SYAP1: variants seen among roughly 807,000 people sequenced by gnomAD.
The protein encoded by SYAP1 is synapse associated protein 1.
A neutral mutation model predicts 29.6 loss-of-function variants in SYAP1; 3 were observed. The ratio of observed to expected loss-of-function variants is 0.10; its 90% CI spans 0.05 to 0.26. The LOEUF (loss-of-function observed/expected upper bound fraction) is 0.26. Ranked by LOEUF, SYAP1 falls within the 10% of genes least tolerant of loss-of-function variation. The probability of loss-of-function intolerance (pLI) is 1.00; values close to 1 mark genes in which losing one functional copy is unlikely to be tolerated. For missense variants in SYAP1, 217 were observed against 264.1 expected, an observed-to-expected ratio of 0.82 and a Z score of 1.24; for synonymous variants, 102 against 102.7, an observed-to-expected ratio of 0.99 and a Z score of 0.04.
At chrX:16,725,068 T>C (rs1569246925) in intron 1 of SYAP1, among the ~76,000 whole-genome samples, 1 of 112,454 alleles carries the variant, frequency 8.9e-6, no homozygotes, top group Non-Finnish European at 1.9e-5. Flanking sequence ...GCTTCCCTTT[T>C]TTTGAACTGG....
At chrX:16,749,744 C>T (rs190136667) in intron 5 of SYAP1, among the ~76,000 whole-genome samples, 2 of 109,388 alleles carry the variant, frequency 1.8e-5, no homozygotes, top group East Asian at 2.9e-4. Context: ...AGTGAAACTC[C>T]GTCTCTACTA....
chrX:16,763,583 G>A lies in SYAP1; in HGVS notation c.*3224G>A, dbSNP rs1390552107. On this transcript the variant is annotated 3_prime_UTR_variant, in exon 9 of 9. Transcript: ENST00000380155. ...TTGGCCAGGCTGGTCTCAAGCTCCTGATCTCAAATGATCCGCACGCCTTGA... is the reference window on the plus strand; with the variant it reads ...TTGGCCAGGCTGGTCTCAAGCTCCTAATCTCAAATGATCCGCACGCCTTGA... 3 of 109,854 alleles carry A rather than the reference G, an allele frequency of 2.7e-5. No homozygotes were observed. In the South Asian group the frequency reaches 1.2e-3, roughly 43 times the overall value. 9.1% of individuals were successfully genotyped at this position (109,854 alleles called of 1,213,427 possible).
chrX:16,740,212 T>C (rs948823492), intron 3 of SYAP1, among the ~76,000 whole-genome samples: 1 of 111,381 alleles, frequency 9.0e-6, no homozygotes, highest in South Asian at 3.7e-4. Flanking sequence ...TGCTGGATTC[T>C]AATCACCTCT....
At chrX:16,742,752 G>A (rs1051289200) in intron 4 of SYAP1, among the ~76,000 whole-genome samples, 3 of 110,170 alleles carry the variant, frequency 2.7e-5, no homozygotes, top group African/African-American at 9.9e-5. Context: ...TATCTGGGAC[G>A]ATAGGCGTAA....
intron 1 of SYAP1, among the ~76,000 whole-genome samples, chrX:16,732,006 T>C (rs976508140): frequency 2.7e-5 from 3 of 112,149 alleles, no homozygotes; most frequent in African/African-American, 9.7e-5. Context: ...TTGTAGCCTC[T>C]ATGCCAAATT....
chrX:16,742,725 G>A (rs1306376067), intron 4 of SYAP1, among the ~76,000 whole-genome samples: 3 of 111,400 alleles, frequency 2.7e-5, no homozygotes, highest in East Asian at 2.9e-4. Context: ...GTGATCCTCC[G>A]GCCTTAGCCT....
intron 2 of SYAP1, 53 bp downstream of exon 2, chrX:16,735,398 C>A: frequency 1.3e-6 from 1 of 767,577 alleles, no homozygotes; most frequent in Non-Finnish European, 1.9e-6. Flanking sequence ...ATTGTTTCCT[C>A]TTGATGGTTT....
rs1393219550 is a variant in SYAP1 at position 16,765,210 on chromosome X, A to G, written c.*4851A>G. The G allele has an allele frequency of 8.9e-6, 1 of 112,579 alleles. No homozygotes were observed. The highest frequency in any genetic ancestry group is 3.2e-5 in the African/African-American group (1 of 31,057). 9.3% of individuals were successfully genotyped at this position (112,579 alleles called of 1,213,427 possible). A position where few individuals can be genotyped will look rare whatever the true frequency, so the allele number is the denominator to read the frequency against. ...ACTAAGGGATTTACTTAGATAAGCCATCGATGATTTCAGTTGTTAAAAGTG... is the reference window on the plus strand; with the variant it reads ...ACTAAGGGATTTACTTAGATAAGCCGTCGATGATTTCAGTTGTTAAAAGTG... On this transcript the variant is annotated 3_prime_UTR_variant, in exon 9 of 9. Transcript: ENST00000380155.
intron 8 of SYAP1, among the ~76,000 whole-genome samples, chrX:16,759,810 C>G (rs2147440070): frequency 8.9e-6 from 1 of 112,381 alleles, no homozygotes; most frequent in South Asian, 3.6e-4. Context: ...AAGCGTGATA[C>G]ATAGAAAGCA....
chrX:16,759,804 G>T (rs1336594392), intron 8 of SYAP1, among the ~76,000 whole-genome samples: 1 of 112,261 alleles, frequency 8.9e-6, no homozygotes, highest in African/African-American at 3.2e-5. Context: ...GGTGAAAAGC[G>T]TGATACATAG....
intron 5 of SYAP1, 134 bp from the exon 6 acceptor site, chrX:16,754,811 C>A: frequency 1.7e-6 from 1 of 591,156 alleles, no homozygotes; most frequent in Non-Finnish European, 2.8e-6. Flanking sequence ...TCATCTACTC[C>A]AGTCCCCTTT....
Position 16,741,777 on chromosome X carries a change from G to C in SYAP1, c.423G>C (p.Leu141Phe), listed in dbSNP as rs1472768867. The C allele has an allele frequency of 1.2e-5, 14 of 1,199,607 alleles. No individual in the cohort carries two copies. Among genetic ancestry groups the C allele is most frequent in the Non-Finnish European group, 1.6e-5 (14 of 886,832 alleles). ...NDEETIQQQI[L>F]ALSADKRNFL... The stretch of plus-strand genomic sequence containing the variant: ...AAGAAACAATTCAACAACAAATTTT[G>C]GCCTTATCAGCTGTAAGTATCTTGT... Residue 141 changes from leucine (L) to phenylalanine (F), a missense_variant, in exon 4 of 9, where the codon TTG becomes TTC. By Grantham distance (22) the Leu-to-Phe change is conservative. Coordinates refer to ENST00000380155, the MANE Select transcript of SYAP1 (RefSeq NM_032796.4).
At chrX:16,737,148 G>T (rs762079347) in intron 3 of SYAP1, among the ~76,000 whole-genome samples, 1 of 110,893 alleles carries the variant, frequency 9.0e-6, no homozygotes, top group Non-Finnish European at 1.9e-5. Flanking sequence ...GCAGGCCAAG[G>T]CGCGAGGATC....
chrX:16,721,219 T>G (rs929143143), intron 1 of SYAP1, among the ~76,000 whole-genome samples: 1 of 109,676 alleles, frequency 9.1e-6, no homozygotes, highest in African/African-American at 3.3e-5. Context: ...AAACACATAT[T>G]TGAGTAAGAA....
chrX:16,735,309 C>T lies in SYAP1; in HGVS notation c.258C>T (p.Ser86=), dbSNP rs140055188. The T allele has an allele frequency of 4.3e-5, 51 of 1,188,167 alleles. No homozygotes were observed. In the African/African-American group the frequency reaches 5.9e-4, roughly 14 times the overall value. ...VAETAQTIKK[S]VEEGKIDGII... ...AAACAGCACAAACAATAAAGAAATC[C>T]GTAGAAGAAGGAAAAATAGATGGCA... is the stretch of plus-strand genomic sequence containing the variant. Residue 86 remains serine (S), a synonymous_variant, in exon 2 of 9, where the codon TCC becomes TCT. Transcript: ENST00000380155.
rs1048539154 is a variant in SYAP1 at position 16,764,881 on chromosome X, G to A, written c.*4522G>A. ...GGCTAATTTTTGTATTTTTTGTAGA[G>A]ATGGGTGTCTCCCCATGTTGCTCAG... On this transcript the variant is annotated 3_prime_UTR_variant, in exon 9 of 9. Coordinates refer to ENST00000380155, the MANE Select transcript of SYAP1 (RefSeq NM_032796.4). The A allele has an allele frequency of 1.8e-5, 2 of 109,404 alleles. No individual in the cohort carries two copies. Among genetic ancestry groups the A allele is most frequent in the Admixed American group, 9.9e-5 (1 of 10,072 alleles). The allele number at this position is 109,404 out of a possible 1,213,427, so 9.0% of individuals were successfully genotyped here. A position where few individuals can be genotyped will look rare whatever the true frequency, so the allele number is the denominator to read the frequency against.
rs1362592777 is a variant in SYAP1, at chrX:16,761,182, G to T, written c.*823G>T. 2 of 92,617 alleles carry T rather than the reference G, an allele frequency of 2.2e-5. No individual in the cohort carries two copies. Among genetic ancestry groups the T allele is most frequent in the Non-Finnish European group, 4.1e-5 (2 of 48,975 alleles). The allele number at this position is 92,617 out of a possible 1,213,427, so 7.6% of individuals were successfully genotyped here. On this transcript the variant is annotated 3_prime_UTR_variant, in exon 9 of 9. Coordinates refer to ENST00000380155, the MANE Select transcript of SYAP1 (RefSeq NM_032796.4). ...GCTGAGATCGCGCCACTGCACTCCA[G>T]CCTGGGTGATAGAGTGAGATTCAGT...
rs759260916 is a variant in SYAP1, at chrX:16,758,159, T to A, written c.931+850T>A. Among the ~76,000 whole-genome samples, 91 of 110,896 alleles carry A rather than the reference T, an allele frequency of 8.2e-4. No individual in the cohort carries two copies. In the South Asian group the frequency reaches 9.6e-3, roughly 12 times the overall value. ...CCTAGGCTCACACCATCCACCCACC[T>A]CAGGCTCCAATGTAGCTGGGACTAT... On this transcript the variant is annotated intron_variant, in intron 8 of 8. Transcript: ENST00000380155.
At chrX:16,756,477 G>A (rs918465827) in intron 6 of SYAP1, among the ~76,000 whole-genome samples, 186 bp from the exon 7 acceptor site, 2 of 111,813 alleles carry the variant, frequency 1.8e-5, no homozygotes, top group African/African-American at 6.5e-5. Context: ...TATCCCCAAA[G>A]TAAGAGGTTG....
Sources: gnomAD v4.1 joint callset for allele counts (sites outside exome capture counted in the v4.1 genomes callset) on GRCh38, gnomAD v4.1.1 for gene constraint, MANE v1.5 for transcripts, NCBI Gene and HGNC (gene_info 2026-07-23, HGNC 2026-07-21) for gene names.